NGF: variants seen among roughly 807,000 people sequenced by gnomAD.
NGF encodes beta-nerve growth factor.
Under a neutral mutation model 12.8 loss-of-function variants are expected in NGF, and 4 were observed. The ratio of observed to expected loss-of-function variants is 0.31; its 90% confidence interval spans 0.15 to 0.72. The LOEUF is 0.72. NGF is among the 30% of genes least tolerant of loss of function. NGF has a pLI of 0.69. For missense variants in NGF, 283 were observed against 330.8 expected (o/e 0.86, Z 1.12); for synonymous variants, 140 against 130.0 (o/e 1.08, Z -0.52).
chr1:115,337,452 G>A (rs1280007599), intron 1 of NGF, among the ~76,000 whole-genome samples: 1 of 151,696 alleles, frequency 6.6e-6, no homozygotes, highest in Non-Finnish European at 1.5e-5. Flanking sequence ...TTCCACGCCC[G>A]CTTCTCCCAC....
chr1:115,329,642 T>G (rs760946007), intron 1 of NGF, among the ~76,000 whole-genome samples: 59 of 152,202 alleles, frequency 3.9e-4, no homozygotes, highest in Admixed American at 3.7e-3. Context: ...GCATATTAAT[T>G]TTTGAAAATG....
At chr1:115,287,063 A>G (rs1653534743) in intron 2 of NGF, among the ~76,000 whole-genome samples, 1 of 152,122 alleles carries the variant, frequency 6.6e-6, no homozygotes. Flanking sequence ...AGCCCCTGAA[A>G]TTTTGCCCAG....
At chr1:115,328,513 A>G (rs1225658070) in intron 1 of NGF, among the ~76,000 whole-genome samples, 1 of 152,158 alleles carries the variant, frequency 6.6e-6, no homozygotes, top group Non-Finnish European at 1.5e-5. Flanking sequence ...CCAGGGGAGA[A>G]ATTGAAACCC....
At chr1:115,298,247 T>C (rs1653930838) in intron 1 of NGF, among the ~76,000 whole-genome samples, 1 of 152,216 alleles carries the variant, frequency 6.6e-6, no homozygotes, top group Non-Finnish European at 1.5e-5. Context: ...ATGCCCATTA[T>C]TGACCATTAT....
At chr1:115,314,764 C>T (rs532064807) in intron 1 of NGF, among the ~76,000 whole-genome samples, 24 of 152,176 alleles carry the variant, frequency 1.6e-4, no homozygotes, top group East Asian at 1.9e-4. Context: ...GGGATATAGT[C>T]GTGAACAGAA....
intron 1 of NGF, among the ~76,000 whole-genome samples, chr1:115,314,742 T>C (rs1276719572): frequency 6.6e-6 from 1 of 152,210 alleles, no homozygotes; most frequent in Non-Finnish European, 1.5e-5. Context: ...CAAAGCACTA[T>C]TCTAGATACT....
intron 1 of NGF, among the ~76,000 whole-genome samples, chr1:115,324,795 C>T (rs1025515407): frequency 3.3e-5 from 5 of 152,130 alleles, no homozygotes; most frequent in Non-Finnish European, 7.4e-5. Context: ...ATGCTAGATC[C>T]CGCTGATCTC....
intron 1 of NGF, among the ~76,000 whole-genome samples, chr1:115,325,242 T>C (rs1205776737): frequency 3.3e-5 from 5 of 152,088 alleles, no homozygotes; most frequent in Admixed American, 6.5e-5. Context: ...AAAAGGTCAG[T>C]GTGGTCACCA....
intron 1 of NGF, among the ~76,000 whole-genome samples, chr1:115,315,127 G>A (rs1654443574): frequency 3.3e-5 from 5 of 152,192 alleles, no homozygotes; most frequent in Admixed American, 3.3e-4. Flanking sequence ...TGACAGCTGA[G>A]GGGAAACTGG....
At chr1:115,288,176 A>G (rs773451515) in intron 2 of NGF, among the ~76,000 whole-genome samples, 1 of 152,180 alleles carries the variant, frequency 6.6e-6, no homozygotes, top group Non-Finnish European at 1.5e-5. Context: ...ACTTCAGAAT[A>G]GCGTAATTGT....
At chr1:115,303,549 C>A (rs1654105366) in intron 1 of NGF, among the ~76,000 whole-genome samples, 2 of 151,860 alleles carry the variant, frequency 1.3e-5, no homozygotes, top group Non-Finnish European at 1.5e-5. Context: ...CCTCCTCCGT[C>A]ATCATCATCA....
At chr1:115,337,724 A>G (rs1395893472) in intron 1 of NGF, among the ~76,000 whole-genome samples, 3 of 151,910 alleles carry the variant, frequency 2.0e-5, no homozygotes, top group Admixed American at 6.5e-5. Context: ...GGGGCCGCGC[A>G]GCACTTTCCC....
chr1:115,333,499 T>TGAA (rs1654980698), intron 1 of NGF, among the ~76,000 whole-genome samples: 1 of 76,590 alleles, frequency 1.3e-5, no homozygotes, highest in African/African-American at 5.0e-5. Flanking sequence ...ATAGTACTAC[T>TGAA]AAAAAAAAAA....
chr1:115,333,734 C>CT (rs796177885), intron 1 of NGF, among the ~76,000 whole-genome samples: 5 of 119,778 alleles, frequency 4.2e-5, no homozygotes, highest in East Asian at 3.0e-4. Flanking sequence ...TTCCTTCTTT[C>CT]TTTCTTTCTT....
chr1:115,300,647 G>A (rs889001059), intron 1 of NGF, among the ~76,000 whole-genome samples: 1 of 152,170 alleles, frequency 6.6e-6, no homozygotes, highest in Admixed American at 6.5e-5. Context: ...ACATTTCCTG[G>A]CTTGTCTGCT....
At chr1:115,297,678 T>G (rs1030640329) in intron 1 of NGF, among the ~76,000 whole-genome samples, 2 of 152,230 alleles carry the variant, frequency 1.3e-5, no homozygotes, top group Non-Finnish European at 2.9e-5. Flanking sequence ...GATAACTCTG[T>G]CAATCACCAT....
intron 1 of NGF, among the ~76,000 whole-genome samples, chr1:115,310,366 T>C (rs1433722392): frequency 6.6e-6 from 1 of 152,202 alleles, no homozygotes; most frequent in African/African-American, 2.4e-5. Flanking sequence ...CTTCCATGTG[T>C]CCTTTCTGTA....
chr1:115,335,947 T>A (rs1395534018), intron 1 of NGF, among the ~76,000 whole-genome samples: 1 of 152,178 alleles, frequency 6.6e-6, no homozygotes, highest in African/African-American at 2.4e-5. Context: ...GATGAGAAAC[T>A]TCCCTCGGGC....
rs200757360 is a variant in NGF, at chr1:115,333,755, T to TCC, written c.-137+4447_-137+4448dup. 4.0e-3 allele frequency among the ~76,000 whole-genome samples: 422 copies of TCC among 104,470 alleles called. 10 individuals carry two copies. The highest frequency in any genetic ancestry group is 0.033 in the South Asian group (107 of 3,236). The allele number at this position is 104,470 out of a possible 152,430, so 68.5% of individuals were successfully genotyped here. A position where few individuals can be genotyped will look rare whatever the true frequency, so the allele number is the denominator to read the frequency against. On this transcript the variant is annotated intron_variant, in intron 1 of 2. Transcript: ENST00000369512. ...CTTTCTTTCTTTCTTCCTTCCTCCC[T>TCC]CCCCCCTCTCTCTCTTTCTTCATTC... is the stretch of plus-strand genomic sequence containing the variant.
Sources: allele counts gnomAD v4.1 joint callset (sites outside exome capture counted in the v4.1 genomes callset), GRCh38; gene constraint gnomAD v4.1.1; transcripts MANE v1.5; gene names NCBI Gene and HGNC (gene_info 2026-07-23, HGNC 2026-07-21).